TIGAR: variants seen among roughly 807,000 people sequenced by gnomAD.
The protein encoded by TIGAR is TP53 induced glycolysis regulatory phosphatase.
A neutral mutation model predicts 17.9 loss-of-function variants in TIGAR; 7 were observed. The observed-to-expected ratio is 0.39, with a 90% CI of 0.22 to 0.73. The LOEUF (loss-of-function observed/expected upper bound fraction) is 0.73. Ranked by LOEUF, TIGAR falls within the 30% of genes least tolerant of loss-of-function variation. The probability of loss-of-function intolerance (pLI) is 0.42; values close to 1 mark genes in which losing one functional copy is unlikely to be tolerated. For synonymous variants in TIGAR, 94 were observed against 108.6 expected (o/e 0.87, Z 0.84); for missense variants, 258 against 327.4 (o/e 0.79, Z 1.64).
intron 3 of TIGAR, among the ~76,000 whole-genome samples, chr12:4,343,365 A>G (rs759334492): frequency 7.9e-5 from 12 of 152,126 alleles, no homozygotes; most frequent in Admixed American, 2.0e-4. Flanking sequence ...ATTGAACTCA[A>G]CTCTGCACCA....
intron 3 of TIGAR, among the ~76,000 whole-genome samples, chr12:4,339,588 T>C (rs755062653): frequency 2.6e-5 from 4 of 152,072 alleles, no homozygotes; most frequent in Admixed American, 2.6e-4. Flanking sequence ...GACAGACACA[T>C]TAAAAGAAGA....
At chr12:4,349,258 A>G (rs1864812304) in intron 3 of TIGAR, among the ~76,000 whole-genome samples, 1 of 152,210 alleles carries the variant, frequency 6.6e-6, no homozygotes, top group East Asian at 1.9e-4. Context: ...GTGTCCCAGT[A>G]AAATACTTTA....
chr12:4,340,963 C>T (rs572800421), intron 3 of TIGAR, among the ~76,000 whole-genome samples: 1 of 152,266 alleles, frequency 6.6e-6, no homozygotes, highest in East Asian at 1.9e-4. Flanking sequence ...GGAAACTCTC[C>T]AGAACATTGT....
rs1396034951 is a variant in TIGAR at position 4,353,862 on chromosome 12, T to C, written c.*1171T>C. On this transcript the variant is annotated 3_prime_UTR_variant, in exon 6 of 6. Transcript: ENST00000179259. Reference sequence around the variant, plus strand: ...TCTGCGGGCAGGGAAGGCGGGGTGGTTGGGGGGGAGAGAATGTTGCTCTGA... The same window carrying C: ...TCTGCGGGCAGGGAAGGCGGGGTGGCTGGGGGGGAGAGAATGTTGCTCTGA... 6.6e-6 allele frequency: 1 copy of C among 151,764 alleles called. No homozygotes were observed. Among genetic ancestry groups the C allele is most frequent in the Middle Eastern group, 3.2e-3 (1 of 316 alleles). The allele number at this position is 151,764 out of a possible 1,614,324, so 9.4% of individuals were successfully genotyped here. A position where few individuals can be genotyped will look rare whatever the true frequency, so the allele number is the denominator to read the frequency against.
intron 3 of TIGAR, among the ~76,000 whole-genome samples, chr12:4,346,454 AG>A (rs1864781440): frequency 1.3e-5 from 2 of 152,218 alleles, no homozygotes; most frequent in African/African-American, 4.8e-5. Flanking sequence ...TGTCCTCTGT[AG>A]GGACATAGAT....
intron 2 of TIGAR, among the ~76,000 whole-genome samples, chr12:4,333,224 A>G (rs1172296187): frequency 2.6e-5 from 4 of 151,264 alleles, no homozygotes; most frequent in South Asian, 2.1e-4. Flanking sequence ...GTGTATACTC[A>G]TGTTTAAGTG....
At position 4,321,998 on chromosome 12, in the gene TIGAR, A is replaced by ATTTT. The variant is rs111676645; in HGVS notation, c.32+705_32+708dup. Among the ~76,000 whole-genome samples the ATTTT allele has an allele frequency of 2.6e-5, 3 of 114,028 alleles. No homozygotes were observed. The highest frequency in any genetic ancestry group is 9.0e-5 in the African/African-American group (3 of 33,452). 74.8% of individuals were successfully genotyped at this position (114,028 alleles called of 152,430 possible). The stretch of plus-strand genomic sequence containing the variant: ...GTTAAGAGCACAGATTTTTATTTTT[A>ATTTT]TTTTTTTTTTTTTGTGAGATGGAGC... On this transcript the variant is annotated intron_variant, in intron 1 of 5. Transcript: ENST00000179259. This position sits in a 1 kb window ranked among gnomAD's most constrained non-coding sequence, Gnocchi z 5.2.
intron 3 of TIGAR, among the ~76,000 whole-genome samples, chr12:4,347,772 C>T (rs750155368): frequency 6.6e-6 from 1 of 152,070 alleles, no homozygotes; most frequent in Non-Finnish European, 1.5e-5. Flanking sequence ...AGATCACACA[C>T]GGCTGAAGTG....
At position 4,357,344 on chromosome 12, in the gene TIGAR, A is replaced by G. The variant is rs1298680619; in HGVS notation, c.*4653A>G. ...CTAGGTGAATCCACCTGGCATAATT[A>G]TCAGCCCTGTTAAGCACAGACACAG... is the stretch of plus-strand genomic sequence containing the variant. On this transcript the variant is annotated 3_prime_UTR_variant, in exon 6 of 6. Coordinates refer to ENST00000179259, the MANE Select transcript of TIGAR (RefSeq NM_020375.3). Among the ~76,000 whole-genome samples, 2 of 152,236 alleles carry G rather than the reference A, an allele frequency of 1.3e-5. No homozygotes were observed. The highest frequency in any genetic ancestry group is 2.9e-5 in the Non-Finnish European group (2 of 68,042).
chr12:4,328,094 G>C (rs1377930781), intron 1 of TIGAR, among the ~76,000 whole-genome samples: 1 of 152,346 alleles, frequency 6.6e-6, no homozygotes, highest in Admixed American at 6.5e-5. Flanking sequence ...GGTTCCCCAT[G>C]TTTGCCCTGA....
chr12:4,331,135 T>A (rs2120655388), intron 1 of TIGAR, 145 bp from the exon 2 acceptor site: 1 of 721,044 alleles, frequency 1.4e-6, no homozygotes, highest in Admixed American at 2.7e-5. Context: ...TAGAATAAAT[T>A]GTTTTTACAG....
chr12:4,324,375 C>A, intron 1 of TIGAR: 7 of 1,000,126 alleles, frequency 7.0e-6, no homozygotes, highest in Non-Finnish European at 1.1e-5. Flanking sequence ...TGAGCCACTA[C>A]TTGAGGGGGA....
intron 3 of TIGAR, among the ~76,000 whole-genome samples, chr12:4,342,062 C>T (rs1276098756): frequency 6.6e-6 from 1 of 152,170 alleles, no homozygotes; most frequent in African/African-American, 2.4e-5. Flanking sequence ...GAGCTGAAAA[C>T]CATGGCATGA....
At position 4,355,726 on chromosome 12, in the gene TIGAR, G is replaced by C. The variant is rs1565452516; in HGVS notation, c.*3035G>C. Among the ~76,000 whole-genome samples the C allele has an allele frequency of 1.3e-5, 2 of 152,350 alleles. No individual in the cohort carries two copies. Among genetic ancestry groups the C allele is most frequent in the South Asian group, 2.1e-4 (1 of 4,826 alleles). ...AACATTTGTTCTGTCAGAGAAGACA[G>C]TGTGTTGGCTCACATTGTGGTCAGT... On this transcript the variant is annotated 3_prime_UTR_variant, in exon 6 of 6. Coordinates refer to ENST00000179259, the MANE Select transcript of TIGAR (RefSeq NM_020375.3).
Position 4,356,386 on chromosome 12 carries a change from G to T in TIGAR, c.*3695G>T, listed in dbSNP as rs1220086283. ...TGTAATATTTTCCCGGTTTTTGATT[G>T]TTTTTTAACAAATGAATTTTTTAAG... On this transcript the variant is annotated 3_prime_UTR_variant, in exon 6 of 6. Coordinates refer to ENST00000179259, the MANE Select transcript of TIGAR (RefSeq NM_020375.3). Among the ~76,000 whole-genome samples the T allele has an allele frequency of 6.6e-6, 1 of 151,966 alleles. No individual in the cohort carries two copies. The highest frequency in any genetic ancestry group is 2.4e-5 in the African/African-American group (1 of 41,262).
rs912635327 is a variant in TIGAR at position 4,321,264 on chromosome 12, C to G, written c.-8C>G. The G allele has an allele frequency of 6.2e-7, 1 of 1,601,080 alleles. No individual in the cohort carries two copies. On this transcript the variant is annotated 5_prime_UTR_variant, in exon 1 of 6. Transcript: ENST00000179259. This position sits in a 1 kb window ranked among gnomAD's most constrained non-coding sequence, Gnocchi z 5.2. Reference sequence around the variant, plus strand: ...GCGGGGCCACCGACGGGACGCGGCTCCGGGAACATGGCTCGCTTCGCTCTG... The same window carrying G: ...GCGGGGCCACCGACGGGACGCGGCTGCGGGAACATGGCTCGCTTCGCTCTG...
chr12:4,324,787 GCTT>G, intron 1 of TIGAR: 2 of 645,168 alleles, frequency 3.1e-6, no homozygotes, highest in Non-Finnish European at 5.7e-6. Context: ...CGGAAGGTCC[GCTT>G]CTTCTGCTCT....
At position 4,352,258 on chromosome 12, in the gene TIGAR, A is replaced by G; in HGVS notation, c.382-2A>G. The stretch of plus-strand genomic sequence containing the variant: ...TTTTGACTTTTATTTCTTTTCTTGT[A>G]GGTGAAAATGCGTGGAATAGACTTT... On this transcript the variant is annotated splice_acceptor_variant, in intron 5 of 5. Transcript: ENST00000179259. LOFTEE classifies it high-confidence loss of function. 4 of 1,598,920 alleles carry G rather than the reference A, an allele frequency of 2.5e-6. No individual in the cohort carries two copies. The highest frequency in any genetic ancestry group is 3.4e-6 in the Non-Finnish European group (4 of 1,172,706).
chr12:4,336,429 G>C (rs751896179), intron 2 of TIGAR, among the ~76,000 whole-genome samples: 2 of 144,446 alleles, frequency 1.4e-5, no homozygotes, highest in Admixed American at 7.1e-5. Context: ...TGTATGTTCT[G>C]TGGGCCCAGC....
Sources: gnomAD v4.1 joint callset for allele counts (sites outside exome capture counted in the v4.1 genomes callset) on GRCh38, gnomAD v4.1.1 for gene constraint, Gnocchi (gnomAD v3.1) non-coding constraint, MANE v1.5 for transcripts, NCBI Gene and HGNC (gene_info 2026-07-23, HGNC 2026-07-21) for gene names.